The following ESR1 variants were observed in gnomAD, a reference collection of about 807,000 sequenced individuals.
ESR1 encodes the protein estrogen receptor.
ESR1 carries 12 observed loss-of-function variants against 52.7 expected under a neutral mutation model. The ratio of observed to expected loss-of-function variants is 0.23; its 90% CI spans 0.15 to 0.37. ESR1 has a LOEUF of 0.37. Ranked by LOEUF, ESR1 falls within the 10% of genes least tolerant of loss-of-function variation. The pLI is 1.00. For missense variants in ESR1, 584 were observed against 779.7 expected (o/e 0.75, Z 2.99); for synonymous variants, 305 against 316.8 (o/e 0.96, Z 0.39).
At chr6:151,998,060 T>G (rs2041646469) in intron 4 of ESR1, among the ~76,000 whole-genome samples, 1 of 152,180 alleles carries the variant, frequency 6.6e-6, no homozygotes, top group Non-Finnish European at 1.5e-5. Flanking sequence ...AATTTCACAT[T>G]AACTCATTGG....
intron 2 of ESR1, among the ~76,000 whole-genome samples, chr6:151,874,602 A>G (rs983629445): frequency 2.6e-5 from 4 of 152,232 alleles, no homozygotes; most frequent in African/African-American, 7.2e-5. Flanking sequence ...TAGTATCTTA[A>G]TATTCAACTG....
intron 4 of ESR1, among the ~76,000 whole-genome samples, chr6:151,971,307 C>A (rs915568951): frequency 6.6e-6 from 1 of 152,116 alleles, no homozygotes; most frequent in Non-Finnish European, 1.5e-5. Context: ...GCGGTGTACA[C>A]TGTATCTAGT....
chr6:151,683,553 A>C (rs1195048225), intron 1 of ESR1, among the ~76,000 whole-genome samples: 1 of 152,134 alleles, frequency 6.6e-6, no homozygotes, highest in African/African-American at 2.4e-5. Flanking sequence ...GGTAGCCTGC[A>C]ATCAACTGCA....
rs753667525 is a variant in ESR1, at chr6:152,098,040, C to T, written c.1554-692C>T. Among the ~76,000 whole-genome samples the T allele has an allele frequency of 9.9e-5, 15 of 152,114 alleles. No homozygotes were observed. The highest frequency in any genetic ancestry group is 2.1e-4 in the South Asian group (1 of 4,810). On this transcript the variant is annotated intron_variant, in intron 7 of 7. Coordinates refer to ENST00000206249, the MANE Select transcript of ESR1 (RefSeq NM_000125.4). This position sits in a 1 kb window ranked among gnomAD's most constrained non-coding sequence, Gnocchi z 5.1. ...TTCCGAGGAGGCGGCATTTGAAGACCGGAGGAAGGTTCATCCCAGCAAGTA... is the reference window on the plus strand; with the variant it reads ...TTCCGAGGAGGCGGCATTTGAAGACTGGAGGAAGGTTCATCCCAGCAAGTA...
intron 4 of ESR1, among the ~76,000 whole-genome samples, chr6:151,945,983 G>A (rs988940768): frequency 1.3e-5 from 2 of 152,150 alleles, no homozygotes; most frequent in Non-Finnish European, 2.9e-5. Context: ...AGTGTCAGTC[G>A]AACTGGCAAA....
intron 4 of ESR1, among the ~76,000 whole-genome samples, chr6:151,989,480 A>G (rs548148418): frequency 6.6e-6 from 1 of 151,982 alleles, no homozygotes; most frequent in East Asian, 1.9e-4. Flanking sequence ...AAAGTATTTA[A>G]AAAAATCATT....
chr6:151,797,352 T>C (rs1157699211), intron 2 of ESR1, among the ~76,000 whole-genome samples: 2 of 152,216 alleles, frequency 1.3e-5, no homozygotes, highest in African/African-American at 2.4e-5. Context: ...TAAACCAGCA[T>C]GCCAGAAGGG....
intron 7 of ESR1, among the ~76,000 whole-genome samples, chr6:152,096,857 G>A (rs2050650947): frequency 6.6e-6 from 1 of 152,102 alleles, no homozygotes; most frequent in African/African-American, 2.4e-5. Context: ...AAACATATTA[G>A]CTTTGACTCT....
chr6:151,669,176 GA>G (rs1236947863), intron 1 of ESR1, among the ~76,000 whole-genome samples: 217 of 110,196 alleles, frequency 2.0e-3, no homozygotes, highest in East Asian at 0.013. Context: ...GAGAGAGAGA[GA>G]GAGAGAGAGA....
chr6:151,992,096 T>A (rs571266558), intron 4 of ESR1, among the ~76,000 whole-genome samples: 2 of 152,304 alleles, frequency 1.3e-5, no homozygotes, highest in East Asian at 3.9e-4. Context: ...AGTGAGCTCT[T>A]TGAGGGCAGA....
intron 4 of ESR1, among the ~76,000 whole-genome samples, chr6:151,976,879 T>C (rs2039488080): frequency 6.6e-6 from 1 of 152,006 alleles, no homozygotes; most frequent in African/African-American, 2.4e-5. Context: ...ATAAAATATA[T>C]GTAAATATAA....
At chr6:151,963,259 C>T (rs1363517477) in intron 4 of ESR1, among the ~76,000 whole-genome samples, 3 of 152,194 alleles carry the variant, frequency 2.0e-5, no homozygotes, top group African/African-American at 7.2e-5. Flanking sequence ...AATGTTTTCT[C>T]TGGAATGGAT....
At chr6:152,060,952 C>CT (rs3841686) in intron 5 of ESR1, 39 bp from the exon 6 acceptor site, 145,336 of 1,499,170 alleles carry the variant, frequency 0.097, 9,048 homozygotes, top group East Asian at 0.32. Flanking sequence ...GTTTTTTAAT[C>CT]TTTTTATTTA....
chr6:152,092,253 T>G (rs2050245898), intron 6 of ESR1, among the ~76,000 whole-genome samples: 1 of 152,242 alleles, frequency 6.6e-6, no homozygotes, highest in Admixed American at 6.5e-5. Flanking sequence ...GCTTACTCAT[T>G]CTGTGCTGTT....
At chr6:152,095,323 C>CTTAT (rs2050519748) in intron 7 of ESR1, among the ~76,000 whole-genome samples, 2 of 152,338 alleles carry the variant, frequency 1.3e-5, no homozygotes, top group East Asian at 3.9e-4. Context: ...GAGCTCTAGC[C>CTTAT]ATAATAGCTG....
intron 2 of ESR1, among the ~76,000 whole-genome samples, chr6:151,771,964 C>T (rs975745688): frequency 6.6e-6 from 1 of 152,152 alleles, no homozygotes; most frequent in Non-Finnish European, 1.5e-5. Flanking sequence ...TCAAAACTCC[C>T]CTGCTTTTCT....
chr6:151,719,944 G>C (rs1278720831), intron 2 of ESR1, among the ~76,000 whole-genome samples: 1 of 152,084 alleles, frequency 6.6e-6, no homozygotes, highest in African/African-American at 2.4e-5. Flanking sequence ...TTTGACTTAG[G>C]ATACTAGTCT....
intron 2 of ESR1, among the ~76,000 whole-genome samples, chr6:151,738,813 G>C (rs1318459403): frequency 1.3e-5 from 2 of 152,066 alleles, no homozygotes; most frequent in East Asian, 3.8e-4. Flanking sequence ...GTCAAAGTAG[G>C]CTTAATTTTG....
chr6:151,922,294 C>A (rs557752347), intron 3 of ESR1, among the ~76,000 whole-genome samples: 6 of 152,266 alleles, frequency 3.9e-5, no homozygotes, highest in South Asian at 4.2e-4. Flanking sequence ...CTTCCTTACA[C>A]CTTATACAAA....
Sources: gnomAD v4.1 joint callset for allele counts (sites outside exome capture counted in the v4.1 genomes callset) on GRCh38, gnomAD v4.1.1 for gene constraint, Gnocchi (gnomAD v3.1) non-coding constraint, MANE v1.5 for transcripts, NCBI Gene and HGNC (gene_info 2026-07-23, HGNC 2026-07-21) for gene names.